The following LRP6 variants were observed in gnomAD, a reference collection of about 807,000 sequenced individuals.
LRP6 encodes the protein low-density lipoprotein receptor-related protein 6.
In LRP6, 43 loss-of-function variants were observed where a neutral mutation model predicts 184.1. That is an observed-to-expected ratio of 0.23 (90% CI 0.18 to 0.30). The LOEUF is 0.30. Ranked by LOEUF, LRP6 falls within the 10% of genes least tolerant of loss-of-function variation. The pLI is 1.00. For synonymous variants in LRP6, 719 were observed against 684.9 expected, an observed-to-expected ratio of 1.05 and a Z score of -0.78; for missense variants, 1,571 against 2,005.3, an observed-to-expected ratio of 0.78 and a Z score of 4.14.
intron 12 of LRP6, among the ~76,000 whole-genome samples, chr12:12,158,055 C>G (rs781593080): frequency 5.9e-5 from 9 of 152,170 alleles, no homozygotes; most frequent in African/African-American, 9.7e-5. Context: ...CAACTGCCTA[C>G]TATGTTCATT....
chr12:12,196,701 G>A (rs1020721991), intron 3 of LRP6, among the ~76,000 whole-genome samples: 1 of 151,880 alleles, frequency 6.6e-6, no homozygotes, highest in African/African-American at 2.4e-5. Flanking sequence ...ATCTGCTGAT[G>A]TACTCTCATG....
intron 3 of LRP6, among the ~76,000 whole-genome samples, chr12:12,190,082 A>G (rs949168425): frequency 1.2e-4 from 18 of 152,250 alleles, no homozygotes; most frequent in African/African-American, 2.2e-4. Context: ...TTAAGAAAAT[A>G]TGTAATTAAC....
At chr12:12,213,541 C>T (rs1027383420) in intron 2 of LRP6, among the ~76,000 whole-genome samples, 2 of 151,850 alleles carry the variant, frequency 1.3e-5, no homozygotes, top group African/African-American at 4.8e-5. Context: ...TTTTTCTTTG[C>T]AATTTCTTTC....
In LRP6 at chr12:12,117,900, A is replaced by T. The variant is rs932013167; in HGVS notation, c.*3226T>A. ...ATAAAGAAATACAACCCTCAAAATC[A>T]TCTTAAAATTGTACTGCTCAAAGCC... On this transcript the variant is annotated 3_prime_UTR_variant, in exon 23 of 23. Transcript: ENST00000261349. 1 of 152,176 alleles carries T rather than the reference A, an allele frequency of 6.6e-6. No homozygotes were observed. Among genetic ancestry groups the T allele is most frequent in the Non-Finnish European group, 1.5e-5 (1 of 68,010 alleles). The allele number at this position is 152,176 out of a possible 1,614,324, so 9.4% of individuals were successfully genotyped here.
intron 3 of LRP6, among the ~76,000 whole-genome samples, chr12:12,197,876 C>G (rs1863805488): frequency 6.6e-6 from 1 of 152,190 alleles, no homozygotes; most frequent in Non-Finnish European, 1.5e-5. Context: ...AATCCCGTCT[C>G]TACTAAAAAT....
intron 2 of LRP6, chr12:12,210,794 G>C (rs1864188065): frequency 1.3e-5 from 2 of 152,122 alleles, no homozygotes; most frequent in Admixed American, 6.5e-5. Flanking sequence ...AAATAGTTCT[G>C]ATTTTAATGT....
intron 4 of LRP6, chr12:12,186,691 C>G: frequency 4.6e-6 from 2 of 435,134 alleles, no homozygotes; most frequent in East Asian, 4.3e-5. Context: ...CACAGTCTTT[C>G]TCTGTCTCCC....
At chr12:12,165,579 T>C (rs1026790728) in intron 7 of LRP6, among the ~76,000 whole-genome samples, 1 of 152,220 alleles carries the variant, frequency 6.6e-6, no homozygotes, top group Admixed American at 6.5e-5. Flanking sequence ...TGTGGCAAAA[T>C]TAAAAATACA....
rs1316433638 is a variant in LRP6 at position 12,203,488 on chromosome 12, C to T, written c.450-88G>A. The T allele has an allele frequency of 7.3e-6, 8 of 1,091,674 alleles. No individual in the cohort carries two copies. In the East Asian group the frequency reaches 1.2e-4, roughly 17 times the overall value. 67.6% of individuals were successfully genotyped at this position (1,091,674 alleles called of 1,614,324 possible). On this transcript the variant is annotated intron_variant, in intron 2 of 22. Coordinates refer to ENST00000261349, the MANE Select transcript of LRP6 (RefSeq NM_002336.3). ...TATTACTATTAAAGAAAGCTCAGGC[C>T]GCGCGCAGTGGCTCACACTTGTAAT...
At chr12:12,196,328 A>G (rs545755261) in intron 3 of LRP6, among the ~76,000 whole-genome samples, 1 of 152,234 alleles carries the variant, frequency 6.6e-6, no homozygotes, top group South Asian at 2.1e-4. Context: ...ATCCATGAGC[A>G]TGAAATGTTT....
intron 10 of LRP6, 50 bp from the exon 11 acceptor site, chr12:12,160,014 G>A (rs755194820): frequency 1.4e-5 from 19 of 1,339,706 alleles, no homozygotes; most frequent in Non-Finnish European, 2.0e-5. Flanking sequence ...TATTATCTGG[G>A]GGAAAGAGTC....
intron 9 of LRP6, among the ~76,000 whole-genome samples, chr12:12,163,155 T>C (rs1264354024): frequency 1.3e-5 from 2 of 152,024 alleles, no homozygotes; most frequent in Non-Finnish European, 2.9e-5. Flanking sequence ...TTTGTATTTT[T>C]AGTAGAGACG....
At chr12:12,236,805 T>C (rs1469320623) in intron 2 of LRP6, among the ~76,000 whole-genome samples, 1 of 152,098 alleles carries the variant, frequency 6.6e-6, no homozygotes, top group Admixed American at 6.5e-5. Flanking sequence ...AAAAGATACA[T>C]AGGGAGAGAT....
chr12:12,145,678 C>T (rs1359882958), intron 15 of LRP6, among the ~76,000 whole-genome samples: 1 of 141,628 alleles, frequency 7.1e-6, no homozygotes, highest in East Asian at 2.1e-4. Flanking sequence ...ATAACCCAGG[C>T]TGGAGTGCAG....
intron 7 of LRP6, among the ~76,000 whole-genome samples, chr12:12,171,327 T>G (rs181701125): frequency 1.3e-5 from 2 of 152,002 alleles, no homozygotes; most frequent in Non-Finnish European, 2.9e-5. Context: ...CCATCCTGGC[T>G]AACATGGTGA....
chr12:12,165,331 T>A, intron 7 of LRP6, 36 bp from the exon 8 acceptor site: 1 of 1,405,472 alleles, frequency 7.1e-7, no homozygotes. Context: ...GGGGATGAAT[T>A]ATGCATTTAT....
chr12:12,236,272 T>C (rs994072709), intron 2 of LRP6, among the ~76,000 whole-genome samples: 1 of 152,052 alleles, frequency 6.6e-6, no homozygotes, highest in Non-Finnish European at 1.5e-5. Context: ...TGAGGGCATG[T>C]ACAAATGACT....
chr12:12,250,545 T>TAC (rs1441633349), intron 1 of LRP6, among the ~76,000 whole-genome samples: 1 of 151,974 alleles, frequency 6.6e-6, no homozygotes, highest in Non-Finnish European at 1.5e-5. Flanking sequence ...ACAAGAACCA[T>TAC]ACCTTATAAC....
At chr12:12,160,049 A>C in intron 10 of LRP6, 85 bp from the exon 11 acceptor site, 1 of 972,864 alleles carries the variant, frequency 1.0e-6, no homozygotes, top group Non-Finnish European at 1.5e-6. Context: ...TAACTAAATA[A>C]ATTTAAAGAA....
Sources: gnomAD v4.1 joint callset for allele counts (sites outside exome capture counted in the v4.1 genomes callset) on GRCh38, gnomAD v4.1.1 for gene constraint, MANE v1.5 for transcripts, NCBI Gene and HGNC (gene_info 2026-07-23, HGNC 2026-07-21) for gene names.